Variants in MACROH2A1 observed in about 807,000 individuals in gnomAD.
MACROH2A1 encodes core histone macro-H2A.1.
A neutral mutation model predicts 31.6 loss-of-function variants in MACROH2A1; 2 were observed. That is an observed-to-expected ratio of 0.06 (90% CI 0.03 to 0.20). The LOEUF is 0.20. MACROH2A1 is among the 10% of genes least tolerant of loss of function. MACROH2A1 has a pLI of 1.00. For synonymous variants in MACROH2A1, 169 were observed against 189.6 expected (o/e 0.89, Z 0.89); for missense variants, 230 against 474.0 (o/e 0.49, Z 4.78).
intron 2 of MACROH2A1, among the ~76,000 whole-genome samples, chr5:135,387,174 A>G (rs1478893055): frequency 6.6e-6 from 1 of 152,174 alleles, no homozygotes; most frequent in East Asian, 1.9e-4. Flanking sequence ...CCAATGCTAT[A>G]CATAGCTTTC....
intron 2 of MACROH2A1, among the ~76,000 whole-genome samples, chr5:135,372,705 C>T (rs1764329355): frequency 6.6e-6 from 1 of 152,192 alleles, no homozygotes; most frequent in Admixed American, 6.5e-5. Context: ...AAGAGGATGC[C>T]AAACCAAGAG....
At chr5:135,383,691 A>ATGTGG (rs1374965172) in intron 2 of MACROH2A1, among the ~76,000 whole-genome samples, 66 of 133,376 alleles carry the variant, frequency 4.9e-4, no homozygotes, top group African/African-American at 1.8e-3. Context: ...TTCCTGTGTG[A>ATGTGG]TGTGGTGTGG....
chr5:135,359,264 G>A (rs1484710025), intron 5 of MACROH2A1: 35 of 985,140 alleles, frequency 3.6e-5, no homozygotes, highest in Admixed American at 6.1e-5. Flanking sequence ...TATTTCAAAT[G>A]GAAGTAATGT....
At chr5:135,379,791 C>G (rs547151817) in intron 2 of MACROH2A1, among the ~76,000 whole-genome samples, 1 of 152,204 alleles carries the variant, frequency 6.6e-6, no homozygotes, top group Non-Finnish European at 1.5e-5. Flanking sequence ...TGGTCATCCA[C>G]GGAGGACACC....
In MACROH2A1 at chr5:135,398,893, G is replaced by T. The variant is rs1489856841; in HGVS notation, c.-34+169C>A. 1.3e-5 allele frequency among the ~76,000 whole-genome samples: 2 copies of T among 149,706 alleles called. No individual in the cohort carries two copies. The highest frequency in any genetic ancestry group is 1.5e-5 in the Non-Finnish European group (1 of 67,358). ...CCGCGCGGCCCGACAAGGCCTGGGA[G>T]GACGTAGTGCACGCGCGAGGACCCG... On this transcript the variant is annotated intron_variant, in intron 1 of 8. Coordinates refer to ENST00000511689, the MANE Select transcript of MACROH2A1 (RefSeq NM_138610.3). This position sits in a 1 kb window ranked among gnomAD's most constrained non-coding sequence, Gnocchi z 4.6.
chr5:135,398,205 G>A lies in MACROH2A1; in HGVS notation c.-34+857C>T, dbSNP rs1445738104. 1.3e-5 allele frequency among the ~76,000 whole-genome samples: 2 copies of A among 152,026 alleles called. No individual in the cohort carries two copies. The highest frequency in any genetic ancestry group is 2.9e-5 in the Non-Finnish European group (2 of 68,020). On this transcript the variant is annotated intron_variant, in intron 1 of 8. Coordinates refer to ENST00000511689, the MANE Select transcript of MACROH2A1 (RefSeq NM_138610.3). The surrounding 1 kb of genome is among the most constrained non-coding windows in gnomAD (Gnocchi z 4.6). ...TGATCTGTGGCCCCTGCAGGAGTGG[G>A]GGTAGGGAGCGCCATGTCGCACACC...
chr5:135,370,547 A>G (rs1309457044), intron 2 of MACROH2A1, among the ~76,000 whole-genome samples: 1 of 152,060 alleles, frequency 6.6e-6, no homozygotes, highest in Non-Finnish European at 1.5e-5. Flanking sequence ...ATGCCTGCTT[A>G]GAGTTTCAAG....
At chr5:135,365,281 C>T (rs905437818) in intron 4 of MACROH2A1, among the ~76,000 whole-genome samples, 1 of 152,172 alleles carries the variant, frequency 6.6e-6, no homozygotes, top group Non-Finnish European at 1.5e-5. Flanking sequence ...AGTCCTATCA[C>T]GTTCTCTTAA....
chr5:135,373,126 G>A (rs1028644896), intron 2 of MACROH2A1, among the ~76,000 whole-genome samples: 5 of 152,210 alleles, frequency 3.3e-5, no homozygotes, highest in Non-Finnish European at 7.3e-5. Flanking sequence ...TCAGGAAAGT[G>A]GAGGTGGCCT....
At chr5:135,360,239 C>T in intron 5 of MACROH2A1, 1 of 517,622 alleles carries the variant, frequency 1.9e-6, no homozygotes, top group Non-Finnish European at 3.5e-6. Context: ...CCAAGGGTCC[C>T]CATCTCCCAC....
At chr5:135,392,706 T>A (rs1767415824) in intron 1 of MACROH2A1, among the ~76,000 whole-genome samples, 1 of 151,538 alleles carries the variant, frequency 6.6e-6, no homozygotes, top group Non-Finnish European at 1.5e-5. Flanking sequence ...AGGGGGAGAG[T>A]GACTGTGAGG....
At chr5:135,358,137 A>AT in intron 5 of MACROH2A1, 2 of 984,952 alleles carry the variant, frequency 2.0e-6, no homozygotes, top group Non-Finnish European at 2.4e-6. Flanking sequence ...TAGTTTCATG[A>AT]TTTTTGCCTT....
chr5:135,382,730 A>G (rs1765816382), intron 2 of MACROH2A1, among the ~76,000 whole-genome samples: 1 of 152,192 alleles, frequency 6.6e-6, no homozygotes, highest in Non-Finnish European at 1.5e-5. Flanking sequence ...GGAAGAAAAT[A>G]TTTGCATCAA....
At chr5:135,359,104 G>A in intron 5 of MACROH2A1, 3 of 985,338 alleles carry the variant, frequency 3.0e-6, no homozygotes, top group Non-Finnish European at 3.6e-6. Context: ...TCCAGCAAGG[G>A]AGGTATGAGG....
At chr5:135,373,857 G>C (rs955532082) in intron 2 of MACROH2A1, among the ~76,000 whole-genome samples, 15 of 152,318 alleles carry the variant, frequency 9.8e-5, no homozygotes, top group Middle Eastern at 3.4e-3. Flanking sequence ...GGATAACAAA[G>C]AGGGGCACAG....
Position 135,361,088 on chromosome 5 carries a change from A to C in MACROH2A1, c.478-481T>G, listed in dbSNP as rs1410959370. The C allele has an allele frequency of 1.1e-5, 3 of 278,316 alleles. No homozygotes were observed. In the East Asian group the frequency reaches 3.3e-4, roughly 30 times the overall value. 17.2% of individuals were successfully genotyped at this position (278,316 alleles called of 1,614,324 possible). A position where few individuals can be genotyped will look rare whatever the true frequency, so the allele number is the denominator to read the frequency against. On this transcript the variant is annotated intron_variant, in intron 4 of 8. Coordinates refer to ENST00000511689, the MANE Select transcript of MACROH2A1 (RefSeq NM_138610.3). ...GACTCGCTTCCACCCTTCCTTCCTT[A>C]AAGCCAGTGTTAGAGAAGGACGCAT... is the stretch of plus-strand genomic sequence containing the variant.
intron 2 of MACROH2A1, among the ~76,000 whole-genome samples, chr5:135,370,540 C>G (rs886350203): frequency 2.1e-5 from 3 of 139,926 alleles, no homozygotes; most frequent in Non-Finnish European, 4.4e-5. Flanking sequence ...GTATACCATG[C>G]CTGCTTAGAG....
chr5:135,383,630 AAATTCTTTAAG>A (rs1226023926), intron 2 of MACROH2A1, among the ~76,000 whole-genome samples: 3 of 151,962 alleles, frequency 2.0e-5, no homozygotes, highest in South Asian at 2.1e-4. Context: ...AATTCAGATA[AAATTCTTTAAG>A]AATTCTTTAA....
At chr5:135,378,604 G>A (rs1301570862) in intron 2 of MACROH2A1, among the ~76,000 whole-genome samples, 1 of 152,218 alleles carries the variant, frequency 6.6e-6, no homozygotes, top group East Asian at 1.9e-4. Flanking sequence ...GAAATGCCAA[G>A]TGGATGAAGT....
Sources: gnomAD v4.1 joint callset for allele counts (sites outside exome capture counted in the v4.1 genomes callset) on GRCh38, gnomAD v4.1.1 for gene constraint, Gnocchi (gnomAD v3.1) non-coding constraint, MANE v1.5 for transcripts, NCBI Gene and HGNC (gene_info 2026-07-23, HGNC 2026-07-21) for gene names.